The following KCNG3 variants were observed in gnomAD, a reference collection of about 807,000 sequenced individuals.
The protein encoded by KCNG3 is voltage-gated potassium channel regulatory subunit KCNG3.
In KCNG3, 15 loss-of-function variants were observed where a neutral mutation model predicts 29.0. That is an observed-to-expected ratio of 0.52 (90% confidence interval 0.35 to 0.80). The LOEUF is 0.80. Ranked by LOEUF, KCNG3 falls within the 30% of genes least tolerant of loss-of-function variation. The probability of loss-of-function intolerance (pLI) is 0.01; values close to 1 mark genes in which losing one functional copy is unlikely to be tolerated. For synonymous variants in KCNG3, 322 were observed against 248.9 expected (o/e 1.29, Z -2.76); for missense variants, 512 against 605.7 (o/e 0.85, Z 1.62).
chr2:42,409,699 CAAAAAA>C, the KCNG3 span, among the ~76,000 whole-genome samples: 932 of 51,918 alleles, frequency 0.018, 6 homozygotes, highest in African/African-American at 0.053. Context: ...GTGCCTGTCT[CAAAAAA>C]AAAAAAAAAA....
Position 42,444,431 on chromosome 2 carries a change from T to C in KCNG3, c.814A>G (p.Thr272Ala), listed in dbSNP as rs777431416. ...ITPYYISVLM[T>A]VFTGENSQLQ... ...TGAGAGTTCTCGCCTGTAAACACTG[T>C]CATCAACACAGAGATGTAATACGGC... The change falls in exon 2 of 2, where the codon ACA becomes GCA. Residue 272 changes from threonine to alanine, a missense_variant. Coordinates refer to ENST00000306078, the MANE Select transcript of KCNG3 (RefSeq NM_133329.6). The surrounding 1 kb of genome is among the most constrained non-coding windows in gnomAD (Gnocchi z 5.8). 6.2e-7 allele frequency: 1 copy of C among 1,614,134 alleles called. No homozygotes were observed. Among genetic ancestry groups the C allele is most frequent in the Admixed American group, 1.7e-5 (1 of 60,010 alleles).
the KCNG3 span, among the ~76,000 whole-genome samples, chr2:42,389,460 T>C: frequency 6.6e-6 from 1 of 152,208 alleles, no homozygotes; most frequent in Admixed American, 6.5e-5. Flanking sequence ...AGTGGGCACA[T>C]ACATTTCTAA....
At chr2:42,459,967 C>G (rs1672974711) in intron 1 of KCNG3, among the ~76,000 whole-genome samples, 1 of 122,476 alleles carries the variant, frequency 8.2e-6, no homozygotes, top group Non-Finnish European at 1.7e-5. Context: ...TAGAGAGAGA[C>G]TCCATCTCAA....
chr2:42,393,324 G>A, the KCNG3 span, among the ~76,000 whole-genome samples: 1 of 151,642 alleles, frequency 6.6e-6, no homozygotes, highest in African/African-American at 2.4e-5. Flanking sequence ...ACTTTGAGAG[G>A]CCAAGGTGGG....
At chr2:42,432,392 C>T in the KCNG3 span, among the ~76,000 whole-genome samples, 9 of 152,338 alleles carry the variant, frequency 5.9e-5, no homozygotes, top group South Asian at 1.9e-3. Context: ...GGATTAAACA[C>T]TGTTGGGAAA....
chr2:42,423,180 A>C, the KCNG3 span, among the ~76,000 whole-genome samples: 1 of 152,134 alleles, frequency 6.6e-6, no homozygotes, highest in African/African-American at 2.4e-5. Flanking sequence ...CTTTCCCACC[A>C]AAAGCTGCTC....
At chr2:42,452,380 C>T (rs1466071040) in intron 1 of KCNG3, among the ~76,000 whole-genome samples, 1 of 151,388 alleles carries the variant, frequency 6.6e-6, no homozygotes, top group Non-Finnish European at 1.5e-5. Flanking sequence ...TCCAATTATA[C>T]TTTTTTAGTT....
chr2:42,447,005 G>C lies in KCNG3; in HGVS notation c.666-2426C>G, dbSNP rs149819628. 6.3e-3 allele frequency among the ~76,000 whole-genome samples: 954 copies of C among 151,168 alleles called. 25 individuals carry two copies. The highest frequency in any genetic ancestry group is 3.9e-3 in the Non-Finnish European group (267 of 67,790). Reference sequence around the variant, plus strand: ...AAAATGAGGCAGGAGGATTGCTTGAGCCCAGGAGATTGAGGCTGCAGTGAG... The same window carrying C: ...AAAATGAGGCAGGAGGATTGCTTGACCCCAGGAGATTGAGGCTGCAGTGAG... On this transcript the variant is annotated intron_variant, in intron 1 of 1. Coordinates refer to ENST00000306078, the MANE Select transcript of KCNG3 (RefSeq NM_133329.6).
chr2:42,392,220 A>G, the KCNG3 span, among the ~76,000 whole-genome samples: 1 of 152,080 alleles, frequency 6.6e-6, no homozygotes, highest in South Asian at 2.1e-4. Context: ...CATTCAGGGA[A>G]AGGGAGTTTG....
chr2:42,451,562 T>G, intron 1 of KCNG3, among the ~76,000 whole-genome samples: 1 of 151,442 alleles, frequency 6.6e-6, no homozygotes, highest in African/African-American at 2.4e-5. Flanking sequence ...CCGTCTCTAC[T>G]AAAAATACGA....
In KCNG3 at chr2:42,443,666, G is replaced by C; in HGVS notation, c.*268C>G. Reference sequence around the variant, plus strand: ...CAAATAATGTATTTTTTAAAAATGTGTAATCATTCAAGGAAACGGGAAAAC... The same window carrying C: ...CAAATAATGTATTTTTTAAAAATGTCTAATCATTCAAGGAAACGGGAAAAC... On this transcript the variant is annotated 3_prime_UTR_variant, in exon 2 of 2. Transcript: ENST00000306078. 1 of 330,934 alleles carries C rather than the reference G, an allele frequency of 3.0e-6. No homozygotes were observed. Among genetic ancestry groups the C allele is most frequent in the Non-Finnish European group, 5.5e-6 (1 of 183,086 alleles). The allele number at this position is 330,934 out of a possible 1,614,324, so 20.5% of individuals were successfully genotyped here.
intron 1 of KCNG3, among the ~76,000 whole-genome samples, chr2:42,481,700 T>C (rs1323992543): frequency 6.6e-6 from 1 of 152,136 alleles, no homozygotes; most frequent in Non-Finnish European, 1.5e-5. Flanking sequence ...CTCACCTCTC[T>C]CGGTTTCCTT....
the KCNG3 span, among the ~76,000 whole-genome samples, chr2:42,402,843 CA>C: frequency 1.8e-4 from 28 of 152,256 alleles, no homozygotes; most frequent in African/African-American, 6.3e-4. Context: ...TCTTCCTTTT[CA>C]GAATTACGTT....
At chr2:42,404,161 T>A in the KCNG3 span, among the ~76,000 whole-genome samples, 1 of 152,228 alleles carries the variant, frequency 6.6e-6, no homozygotes, top group Non-Finnish European at 1.5e-5. Context: ...ATTTTATTAG[T>A]CTATTCTGGT....
At chr2:42,467,354 A>C (rs1205493153) in intron 1 of KCNG3, among the ~76,000 whole-genome samples, 1 of 152,178 alleles carries the variant, frequency 6.6e-6, no homozygotes, top group Admixed American at 6.5e-5. Flanking sequence ...TTAAAAAAGC[A>C]GTCACCAACT....
chr2:42,471,231 T>C (rs976309387), intron 1 of KCNG3, among the ~76,000 whole-genome samples: 5 of 151,938 alleles, frequency 3.3e-5, no homozygotes, highest in Non-Finnish European at 7.4e-5. Flanking sequence ...CAAATGTTTA[T>C]AGCAGTCATA....
intron 1 of KCNG3, among the ~76,000 whole-genome samples, chr2:42,447,171 AAAT>A (rs1441194217): frequency 2.0e-5 from 3 of 151,560 alleles, no homozygotes; most frequent in African/African-American, 7.3e-5. Flanking sequence ...TGGAGTCAAC[AAAT>A]ATAATCACTT....
chr2:42,438,916 G>C (rs1186617174), downstream of KCNG3, among the ~76,000 whole-genome samples: 2 of 151,792 alleles, frequency 1.3e-5, no homozygotes, highest in African/African-American at 4.9e-5. Flanking sequence ...AACACCATAG[G>C]AAAGAACACT....
intron 1 of KCNG3, among the ~76,000 whole-genome samples, chr2:42,474,386 G>C (rs1367879251): frequency 1.3e-5 from 2 of 151,618 alleles, no homozygotes; most frequent in Admixed American, 6.6e-5. Context: ...AAATTAGCTG[G>C]GCATGGTGAC....
Sources: gnomAD v4.1 joint callset for allele counts (sites outside exome capture counted in the v4.1 genomes callset) on GRCh38, gnomAD v4.1.1 for gene constraint, Gnocchi (gnomAD v3.1) non-coding constraint, MANE v1.5 for transcripts, NCBI Gene and HGNC (gene_info 2026-07-23, HGNC 2026-07-21) for gene names.